The following CDH12 variants were observed in gnomAD, a reference collection of about 807,000 sequenced individuals.
The protein encoded by CDH12 is cadherin 12.
CDH12 carries 41 observed loss-of-function variants against 74.1 expected under a neutral mutation model. That is an observed-to-expected ratio of 0.55 (90% confidence interval 0.43 to 0.72). The LOEUF is 0.72. Ranked by LOEUF, CDH12 falls within the 30% of genes least tolerant of loss-of-function variation. The pLI, the probability that CDH12 is intolerant of heterozygous loss-of-function variation, is 0.00. For synonymous variants in CDH12, 399 were observed against 355.0 expected (o/e 1.12, Z -1.39); for missense variants, 945 against 977.2 (o/e 0.97, Z 0.44).
chr5:22,619,908 T>G (rs1312469521), intron 1 of CDH12, among the ~76,000 whole-genome samples: 2 of 152,136 alleles, frequency 1.3e-5, no homozygotes, highest in African/African-American at 4.8e-5. Context: ...CAATTAAAAT[T>G]ATTATTTTTT....
intron 5 of CDH12, among the ~76,000 whole-genome samples, chr5:22,073,988 C>T (rs1742130179): frequency 6.6e-6 from 1 of 152,102 alleles, no homozygotes; most frequent in Admixed American, 6.6e-5. Context: ...TACAGTTGAT[C>T]TTAGAACAAT....
At chr5:21,972,488 A>G (rs1756894017) in intron 6 of CDH12, among the ~76,000 whole-genome samples, 2 of 152,202 alleles carry the variant, frequency 1.3e-5, no homozygotes, top group African/African-American at 4.8e-5. Flanking sequence ...GAGAAAAAAA[A>G]GTATAGAAAA....
chr5:22,840,980 A>G (rs1561840), intron 1 of CDH12, among the ~76,000 whole-genome samples: 12,569 of 152,222 alleles, frequency 0.083, 620 homozygotes, highest in South Asian at 0.18. Context: ...GGAAGGATGC[A>G]GGGAAAACGG....
chr5:22,583,933 A>G (rs1740237777), intron 1 of CDH12, among the ~76,000 whole-genome samples: 1 of 152,106 alleles, frequency 6.6e-6, no homozygotes, highest in Non-Finnish European at 1.5e-5. Flanking sequence ...ATCTCTTCCC[A>G]ATCAGAATTG....
At chr5:21,853,671 T>C (rs1465116198) in intron 7 of CDH12, among the ~76,000 whole-genome samples, 3 of 151,734 alleles carry the variant, frequency 2.0e-5, no homozygotes, top group African/African-American at 7.2e-5. Flanking sequence ...TTTTTACACA[T>C]ACCTCTCAGG....
chr5:21,800,644 G>A (rs1747060106), intron 10 of CDH12, among the ~76,000 whole-genome samples: 1 of 152,120 alleles, frequency 6.6e-6, no homozygotes, highest in African/African-American at 2.4e-5. Context: ...AACTGTGTTT[G>A]TTACTTAAGT....
intron 6 of CDH12, among the ~76,000 whole-genome samples, chr5:21,860,322 G>A (rs1297436998): frequency 6.6e-6 from 1 of 151,892 alleles, no homozygotes; most frequent in African/African-American, 2.4e-5. Context: ...GTGTGCTTCG[G>A]GTTGTATGAG....
intron 8 of CDH12, among the ~76,000 whole-genome samples, chr5:21,834,368 T>G (rs1375608748): frequency 1.3e-5 from 2 of 152,002 alleles, no homozygotes; most frequent in South Asian, 4.1e-4. Flanking sequence ...AATATATTCA[T>G]GTACAGTATC....
chr5:22,843,783 T>C (rs1737180627), intron 1 of CDH12, among the ~76,000 whole-genome samples: 1 of 152,078 alleles, frequency 6.6e-6, no homozygotes, highest in Non-Finnish European at 1.5e-5. Context: ...CTAGAGAGAC[T>C]ACAGAATTAA....
intron 1 of CDH12, among the ~76,000 whole-genome samples, chr5:22,558,945 C>T (rs554887127): frequency 1.6e-4 from 24 of 152,122 alleles, no homozygotes; most frequent in African/African-American, 5.5e-4. Context: ...ACATTATTTA[C>T]TAATTTAAAA....
At chr5:21,947,282 G>C (rs900421472) in intron 6 of CDH12, among the ~76,000 whole-genome samples, 3 of 152,138 alleles carry the variant, frequency 2.0e-5, no homozygotes, top group African/African-American at 7.2e-5. Context: ...AGTGACTTTA[G>C]AACTGGGTAT....
chr5:22,835,140 C>A (rs1045164193), intron 1 of CDH12, among the ~76,000 whole-genome samples: 8 of 152,020 alleles, frequency 5.3e-5, no homozygotes, highest in African/African-American at 1.7e-4. Context: ...AAAACATACA[C>A]CTCTTTTGGA....
At chr5:22,444,476 C>A (rs1260465252) in intron 2 of CDH12, among the ~76,000 whole-genome samples, 6 of 151,904 alleles carry the variant, frequency 3.9e-5, no homozygotes, top group African/African-American at 1.2e-4. Flanking sequence ...AACTTGCCAT[C>A]CTGCTTTGTT....
intron 3 of CDH12, among the ~76,000 whole-genome samples, chr5:22,393,760 G>T (rs111595458): frequency 0.036 from 5,490 of 152,212 alleles, 112 homozygotes; most frequent in African/African-American, 0.055. Context: ...TTCATAGATT[G>T]AATGTTGGTG....
intron 1 of CDH12, among the ~76,000 whole-genome samples, chr5:22,654,451 G>T (rs965958895): frequency 6.6e-6 from 1 of 151,108 alleles, no homozygotes; most frequent in African/African-American, 2.4e-5. Flanking sequence ...CTCCACCGCC[G>T]GCTAATTGTG....
intron 4 of CDH12, among the ~76,000 whole-genome samples, chr5:22,130,416 A>G (rs1252615476): frequency 6.6e-6 from 1 of 152,134 alleles, no homozygotes. Context: ...ATGGAAGTAG[A>G]AGGAATAAAT....
At chr5:21,917,482 G>A (rs1483145951) in intron 6 of CDH12, among the ~76,000 whole-genome samples, 1 of 152,220 alleles carries the variant, frequency 6.6e-6, no homozygotes, top group Admixed American at 6.5e-5. Flanking sequence ...AGATGTTTCT[G>A]TTACATTCTT....
At chr5:21,766,044 C>G (rs1315696965) in intron 11 of CDH12, among the ~76,000 whole-genome samples, 1 of 151,918 alleles carries the variant, frequency 6.6e-6, no homozygotes, top group African/African-American at 2.4e-5. Context: ...CATACCTTCT[C>G]CATTGATTGG....
chr5:22,624,730 A>G (rs112174193), intron 1 of CDH12, among the ~76,000 whole-genome samples: 75 of 152,368 alleles, frequency 4.9e-4, no homozygotes, highest in African/African-American at 1.7e-3. Context: ...AACTAGTTCA[A>G]CTATTGTGGA....
Sources: allele counts gnomAD v4.1 joint callset (sites outside exome capture counted in the v4.1 genomes callset), GRCh38; gene constraint gnomAD v4.1.1; transcripts MANE v1.5; gene names NCBI Gene and HGNC (gene_info 2026-07-23, HGNC 2026-07-21).